The following PDGFD variants were observed in gnomAD, a reference collection of about 807,000 sequenced individuals.
PDGFD encodes platelet derived growth factor D, also known as platelet-derived growth factor D.
A neutral mutation model predicts 44.7 loss-of-function variants in PDGFD; 30 were observed. The observed-to-expected ratio is 0.67, with a 90% CI of 0.50 to 0.91. PDGFD has a LOEUF of 0.91. Ranked by LOEUF, PDGFD falls within the 40% of genes least tolerant of loss-of-function variation. The pLI is 0.00. For synonymous variants in PDGFD, 173 were observed against 168.4 expected, an observed-to-expected ratio of 1.03 and a Z score of -0.21; for missense variants, 445 against 457.8, an observed-to-expected ratio of 0.97 and a Z score of 0.25.
intron 1 of PDGFD, among the ~76,000 whole-genome samples, chr11:104,017,057 G>T (rs1421588493): frequency 6.6e-6 from 1 of 152,178 alleles, no homozygotes; most frequent in East Asian, 1.9e-4. Flanking sequence ...TCACAAGGCA[G>T]AGCCCTCATG....
chr11:104,001,778 G>T (rs955844730), intron 1 of PDGFD, among the ~76,000 whole-genome samples: 1 of 152,180 alleles, frequency 6.6e-6, no homozygotes, highest in Non-Finnish European at 1.5e-5. Flanking sequence ...AATTCAGTGA[G>T]CCTGGTCAGG....
intron 3 of PDGFD, among the ~76,000 whole-genome samples, chr11:103,989,465 C>T (rs2134357962): frequency 6.6e-6 from 1 of 152,326 alleles, no homozygotes; most frequent in South Asian, 2.1e-4. Flanking sequence ...GTCCCTCTTG[C>T]TCTGCTATCC....
rs58684985 is a variant in PDGFD, at chr11:104,103,462, GTATATATATATATATATATA to G, written c.124+60322_124+60341del. Among the ~76,000 whole-genome samples, 45 of 133,266 alleles carry G rather than the reference GTATATATATATATATATATA, an allele frequency of 3.4e-4. 1 individual carries two copies. Among genetic ancestry groups the G allele is most frequent in the African/African-American group, 1.2e-3 (45 of 36,120 alleles). The allele number at this position is 133,266 out of a possible 152,430, so 87.4% of individuals were successfully genotyped here. A position where few individuals can be genotyped will look rare whatever the true frequency, so the allele number is the denominator to read the frequency against. On this transcript the variant is annotated intron_variant, in intron 1 of 6. Coordinates refer to ENST00000393158, the MANE Select transcript of PDGFD (RefSeq NM_025208.5). ...AACAGACAATTATGTGTGTGTGTGTGTATATATATATATATATATATATATATATATATGAATATATGCTT... is the reference window on the plus strand; with the variant it reads ...AACAGACAATTATGTGTGTGTGTGTGTATATATATATATGAATATATGCTT...
chr11:103,953,358 G>T (rs554242641), intron 3 of PDGFD, among the ~76,000 whole-genome samples: 2 of 152,016 alleles, frequency 1.3e-5, no homozygotes, highest in Non-Finnish European at 2.9e-5. Context: ...TTATACAAGA[G>T]TATGTTCCAT....
At chr11:103,983,937 T>C (rs760698766) in intron 3 of PDGFD, among the ~76,000 whole-genome samples, 1 of 151,652 alleles carries the variant, frequency 6.6e-6, no homozygotes, top group Non-Finnish European at 1.5e-5. Flanking sequence ...GAAAAACGAA[T>C]GCTTATACAC....
At chr11:104,111,149 T>C (rs955066380) in intron 1 of PDGFD, among the ~76,000 whole-genome samples, 14 of 152,166 alleles carry the variant, frequency 9.2e-5, no homozygotes, top group Admixed American at 5.9e-4. Context: ...TCATAGTTTA[T>C]TACCTACGCT....
chr11:104,163,668 A>G, intron 1 of PDGFD, 136 bp downstream of exon 1: 2 of 1,040,342 alleles, frequency 1.9e-6, no homozygotes, highest in Non-Finnish European at 2.6e-6. Flanking sequence ...CAGGCAGGAG[A>G]CCTCCCTCCC....
intron 3 of PDGFD, among the ~76,000 whole-genome samples, chr11:103,990,543 A>T (rs1397388527): frequency 2.0e-5 from 3 of 152,214 alleles, no homozygotes; most frequent in Non-Finnish European, 4.4e-5. Flanking sequence ...TATTCCTGAC[A>T]GCAGAGGTTC....
intron 1 of PDGFD, among the ~76,000 whole-genome samples, chr11:104,061,018 A>T (rs1454642592): frequency 6.6e-6 from 1 of 151,936 alleles, no homozygotes; most frequent in Non-Finnish European, 1.5e-5. Context: ...CCTCCTTCCC[A>T]CAGGCCCTGG....
intron 1 of PDGFD, among the ~76,000 whole-genome samples, chr11:104,053,430 G>A (rs1426191266): frequency 1.3e-5 from 2 of 152,184 alleles, no homozygotes; most frequent in African/African-American, 2.4e-5. Flanking sequence ...GTTCAAGTGA[G>A]ATGGCAATTA....
At chr11:104,099,281 A>C (rs1429995832) in intron 1 of PDGFD, among the ~76,000 whole-genome samples, 3 of 152,216 alleles carry the variant, frequency 2.0e-5, no homozygotes, top group African/African-American at 7.2e-5. Context: ...CAAAGTTTAG[A>C]TATCTATCCT....
At chr11:104,056,606 T>C (rs1860619749) in intron 1 of PDGFD, among the ~76,000 whole-genome samples, 1 of 152,026 alleles carries the variant, frequency 6.6e-6, no homozygotes, top group Non-Finnish European at 1.5e-5. Context: ...AGTTAGAAGC[T>C]GGGAGAGAGG....
chr11:103,950,593 A>AATAAATAAATAAATAAATAAATAT, intron 3 of PDGFD, among the ~76,000 whole-genome samples: 1 of 151,916 alleles, frequency 6.6e-6, no homozygotes, highest in East Asian at 1.9e-4. Flanking sequence ...TAAATAAATA[A>AATAAATAAATAAATAAATAAATAT]ATAAGAAAAT....
intron 1 of PDGFD, among the ~76,000 whole-genome samples, chr11:104,003,969 A>C (rs1264157622): frequency 6.6e-6 from 1 of 152,238 alleles, no homozygotes; most frequent in South Asian, 2.1e-4. Flanking sequence ...AGTGGTCAAT[A>C]AAGTCACATG....
At chr11:104,084,062 C>A (rs549363603) in intron 1 of PDGFD, among the ~76,000 whole-genome samples, 2 of 152,298 alleles carry the variant, frequency 1.3e-5, no homozygotes, top group Admixed American at 1.3e-4. Context: ...TGTTGAGGAA[C>A]AATATGTACG....
intron 1 of PDGFD, among the ~76,000 whole-genome samples, chr11:104,097,565 C>T (rs1861304953): frequency 6.6e-6 from 1 of 152,112 alleles, no homozygotes; most frequent in Non-Finnish European, 1.5e-5. Flanking sequence ...ATCCAGCCCT[C>T]AAATGGTTCC....
intron 3 of PDGFD, among the ~76,000 whole-genome samples, chr11:103,973,138 C>CTTTTTTTTTTTTTT (rs555810765): frequency 7.4e-6 from 1 of 134,416 alleles, no homozygotes. Flanking sequence ...AAAGTGGTCA[C>CTTTTTTTTTTTTTT]TTTTTTTTTT....
chr11:104,103,301 A>G (rs548419193), intron 1 of PDGFD, among the ~76,000 whole-genome samples: 11 of 151,934 alleles, frequency 7.2e-5, no homozygotes, highest in Non-Finnish European at 1.5e-4. Flanking sequence ...AGTATAACCA[A>G]AATCTCTTGT....
chr11:104,082,970 G>C (rs546511930), intron 1 of PDGFD, among the ~76,000 whole-genome samples: 2 of 152,184 alleles, frequency 1.3e-5, no homozygotes, highest in African/African-American at 4.8e-5. Flanking sequence ...CACTATACTA[G>C]CTGTGGCCAA....
Sources: gnomAD v4.1 joint callset for allele counts (sites outside exome capture counted in the v4.1 genomes callset) on GRCh38, gnomAD v4.1.1 for gene constraint, MANE v1.5 for transcripts, NCBI Gene and HGNC (gene_info 2026-07-23, HGNC 2026-07-21) for gene names.